The following ERC2 variants were observed in gnomAD, a reference collection of about 807,000 sequenced individuals.
ERC2 encodes the protein ELKS/RAB6-interacting/CAST family member 2.
ERC2 carries 42 observed loss-of-function variants against 114.8 expected under a neutral mutation model. The observed-to-expected ratio is 0.37, with a 90% CI of 0.29 to 0.47. The LOEUF (loss-of-function observed/expected upper bound fraction) is 0.47. Among genes scored for constraint, ERC2 ranks in the 20% least tolerant of loss-of-function variants. The pLI is 0.99. For missense variants in ERC2, 939 were observed against 1,150.7 expected (o/e 0.82, Z 2.66); for synonymous variants, 454 against 425.5 (o/e 1.07, Z -0.82).
At chr3:55,622,233 C>T (rs1182874065) in intron 17 of ERC2, among the ~76,000 whole-genome samples, 2 of 152,154 alleles carry the variant, frequency 1.3e-5, no homozygotes, top group Non-Finnish European at 2.9e-5. Flanking sequence ...ACCCAAAATT[C>T]CACCTGATAT....
At chr3:56,107,175 T>C (rs1052858852) in intron 6 of ERC2, among the ~76,000 whole-genome samples, 4 of 151,800 alleles carry the variant, frequency 2.6e-5, no homozygotes, top group Non-Finnish European at 5.9e-5. Flanking sequence ...AGAAATGCAA[T>C]GATGGCAATG....
chr3:55,525,134 A>AT (rs1486361074), intron 17 of ERC2, among the ~76,000 whole-genome samples: 1 of 152,234 alleles, frequency 6.6e-6, no homozygotes, highest in African/African-American at 2.4e-5. Flanking sequence ...CTTGGGTTGA[A>AT]TGCAATGGTA....
chr3:55,768,566 T>C (rs1207997630), intron 14 of ERC2, among the ~76,000 whole-genome samples: 1 of 152,236 alleles, frequency 6.6e-6, no homozygotes, highest in Non-Finnish European at 1.5e-5. Flanking sequence ...GGAGAGGGTA[T>C]ACTTTAGCTA....
chr3:56,074,423 A>G lies in ERC2; in HGVS notation c.1641+6394T>C, dbSNP rs188979677. Among the ~76,000 whole-genome samples the G allele has an allele frequency of 1.1e-3, 160 of 152,276 alleles. 1 individual carries two copies. Among genetic ancestry groups the G allele is most frequent in the Non-Finnish European group, 1.7e-3 (115 of 68,034 alleles). ...TAATCATTTTATTATAAAAATAATT[A>G]TTTGCATGGAAATGCAAATAATTGG... On this transcript the variant is annotated intron_variant, in intron 7 of 17. Coordinates refer to ENST00000288221, the MANE Select transcript of ERC2 (RefSeq NM_015576.3).
chr3:55,932,221 G>C (rs1214286765), intron 13 of ERC2, among the ~76,000 whole-genome samples: 1 of 152,096 alleles, frequency 6.6e-6, no homozygotes, highest in Non-Finnish European at 1.5e-5. Flanking sequence ...GGTCTAAAAG[G>C]CCTGAGTAGT....
intron 6 of ERC2, among the ~76,000 whole-genome samples, chr3:56,131,769 C>T (rs907327024): frequency 1.7e-4 from 26 of 152,134 alleles, no homozygotes; most frequent in African/African-American, 6.0e-4. Context: ...TTCTAGCGTT[C>T]TGTAGCACTG....
chr3:55,644,829 CCT>C (rs1373068857), intron 17 of ERC2, among the ~76,000 whole-genome samples: 2 of 151,722 alleles, frequency 1.3e-5, no homozygotes, highest in Non-Finnish European at 2.9e-5. Flanking sequence ...GGGAGAGAGT[CCT>C]CTGTTATCAT....
intron 15 of ERC2, among the ~76,000 whole-genome samples, chr3:55,731,452 A>G (rs950598120): frequency 6.6e-6 from 1 of 152,242 alleles, no homozygotes; most frequent in African/African-American, 2.4e-5. Context: ...AGGCATATGC[A>G]AAGCACTTGG....
chr3:55,649,258 A>T (rs1287135834), intron 17 of ERC2, among the ~76,000 whole-genome samples: 2 of 119,202 alleles, frequency 1.7e-5, no homozygotes, highest in Non-Finnish European at 3.6e-5. Context: ...CCAACGCTGA[A>T]TTTTTTTTTT....
intron 15 of ERC2, among the ~76,000 whole-genome samples, chr3:55,715,797 C>T (rs2064086234): frequency 6.6e-6 from 1 of 152,152 alleles, no homozygotes; most frequent in Admixed American, 6.5e-5. Context: ...GACTCTGAAG[C>T]TTTATAGGAC....
chr3:55,891,675 G>A lies in ERC2; in HGVS notation c.2404-3126C>T, dbSNP rs1454165589. ...TTGGCCAGGATGGTCTGAGTCTCCT[G>A]ACCTCATGATCCACCCGCCTTGGCC... On this transcript the variant is annotated intron_variant, in intron 13 of 17. Transcript: ENST00000288221. Among the ~76,000 whole-genome samples the A allele has an allele frequency of 2.0e-5, 3 of 152,094 alleles. No individual in the cohort carries two copies. The East Asian group carries it at 5.8e-4, about 30-fold the overall frequency.
At chr3:56,081,339 T>A (rs1259703274) in intron 6 of ERC2, among the ~76,000 whole-genome samples, 1 of 152,054 alleles carries the variant, frequency 6.6e-6, no homozygotes, top group African/African-American at 2.4e-5. Flanking sequence ...CCAGGGAGGA[T>A]AAAATACTGC....
intron 17 of ERC2, among the ~76,000 whole-genome samples, chr3:55,583,523 C>CCCTTCCTTCCTT (rs1228854520): frequency 5.4e-5 from 2 of 36,904 alleles, no homozygotes; most frequent in Non-Finnish European, 5.0e-5. Context: ...CTCCCTCCCT[C>CCCTTCCTTCCTT]CCTTCCTTCC....
intron 14 of ERC2, among the ~76,000 whole-genome samples, chr3:55,787,496 T>C (rs2069610540): frequency 6.6e-6 from 1 of 152,206 alleles, no homozygotes; most frequent in East Asian, 1.9e-4. Flanking sequence ...GCCCAGTATG[T>C]GATCTCCATT....
At chr3:55,867,585 G>A (rs868747918) in intron 14 of ERC2, among the ~76,000 whole-genome samples, 24 of 152,254 alleles carry the variant, frequency 1.6e-4, no homozygotes, top group African/African-American at 5.5e-4. Context: ...AAATGCAATC[G>A]CATCTATGTG....
intron 7 of ERC2, among the ~76,000 whole-genome samples, chr3:56,029,812 C>T (rs1050591808): frequency 2.0e-5 from 3 of 151,966 alleles, no homozygotes; most frequent in East Asian, 1.9e-4. Context: ...TCTATATTTT[C>T]GATTTTATTA....
At chr3:55,681,935 A>G (rs959047530) in intron 17 of ERC2, among the ~76,000 whole-genome samples, 2 of 152,160 alleles carry the variant, frequency 1.3e-5, no homozygotes, top group African/African-American at 4.8e-5. Flanking sequence ...AGGAAACACA[A>G]GTGCAGCCTA....
intron 2 of ERC2, among the ~76,000 whole-genome samples, chr3:56,376,314 C>A (rs1301407822): frequency 6.6e-6 from 1 of 152,134 alleles, no homozygotes. Context: ...ACAAGAGAAA[C>A]AGATTATAGA....
chr3:55,987,917 G>A (rs2070757702), intron 11 of ERC2, among the ~76,000 whole-genome samples: 1 of 152,108 alleles, frequency 6.6e-6, no homozygotes, highest in Admixed American at 6.5e-5. Context: ...ATGTGATTGA[G>A]GGCTCAATTT....
Sources: allele counts gnomAD v4.1 joint callset (sites outside exome capture counted in the v4.1 genomes callset), GRCh38; gene constraint gnomAD v4.1.1; transcripts MANE v1.5; gene names NCBI Gene and HGNC (gene_info 2026-07-23, HGNC 2026-07-21).